NLGN1: variants seen among roughly 807,000 people sequenced by gnomAD.
NLGN1 encodes neuroligin-1.
Under a neutral mutation model 65.5 loss-of-function variants are expected in NLGN1, and 12 were observed. That is an observed-to-expected ratio of 0.18 (90% CI 0.12 to 0.30). The LOEUF is 0.30. Ranked by LOEUF, NLGN1 falls within the 10% of genes least tolerant of loss-of-function variation. The pLI is 1.00. For missense variants in NLGN1, 750 were observed against 1,007.1 expected (o/e 0.74, Z 3.46); for synonymous variants, 350 against 359.5 (o/e 0.97, Z 0.30).
chr3:173,764,627 T>C (rs970812957), intron 3 of NLGN1, among the ~76,000 whole-genome samples: 2 of 152,108 alleles, frequency 1.3e-5, no homozygotes, highest in African/African-American at 4.8e-5. Context: ...AATGCCAAAT[T>C]TCCATTAGTC....
intron 4 of NLGN1, among the ~76,000 whole-genome samples, chr3:173,957,066 A>G (rs1323501523): frequency 6.6e-6 from 1 of 152,142 alleles, no homozygotes; most frequent in Non-Finnish European, 1.5e-5. Flanking sequence ...CTACAGAATT[A>G]TGATGCATAT....
intron 1 of NLGN1, among the ~76,000 whole-genome samples, chr3:173,431,608 G>C (rs187473202): frequency 6.6e-6 from 1 of 152,090 alleles, no homozygotes; most frequent in South Asian, 2.1e-4. Flanking sequence ...TTGATTGGAA[G>C]ATGCAGAGAT....
chr3:173,622,765 G>A (rs1754209491), intron 3 of NLGN1, among the ~76,000 whole-genome samples: 2 of 151,952 alleles, frequency 1.3e-5, no homozygotes, highest in Admixed American at 1.3e-4. Flanking sequence ...ACTATTTTTT[G>A]TTGCAAAAAT....
chr3:173,411,593 G>A (rs1470020450), intron 1 of NLGN1, among the ~76,000 whole-genome samples: 4 of 152,090 alleles, frequency 2.6e-5, no homozygotes, highest in Middle Eastern at 3.2e-3. Flanking sequence ...TTTGGCTGGG[G>A]TTTAGTAAAC....
chr3:173,791,178 A>T (rs1309596346), intron 3 of NLGN1, among the ~76,000 whole-genome samples: 1 of 152,186 alleles, frequency 6.6e-6, no homozygotes, highest in African/African-American at 2.4e-5. Context: ...ATCATGCTAC[A>T]GTAAGGGTAT....
intron 1 of NLGN1, among the ~76,000 whole-genome samples, chr3:173,398,840 A>T (rs768672349): frequency 6.6e-6 from 1 of 152,144 alleles, no homozygotes; most frequent in Non-Finnish European, 1.5e-5. Context: ...AAGTCAATTG[A>T]GTTGTCATGC....
chr3:173,709,168 G>T (rs553984995), intron 3 of NLGN1, among the ~76,000 whole-genome samples: 48 of 152,188 alleles, frequency 3.2e-4, no homozygotes, highest in Non-Finnish European at 4.9e-4. Flanking sequence ...AAATACCGAG[G>T]TTTATTTCTC....
chr3:173,598,602 G>A (rs1159864873), intron 2 of NLGN1, among the ~76,000 whole-genome samples: 3 of 152,106 alleles, frequency 2.0e-5, no homozygotes, highest in Non-Finnish European at 2.9e-5. Flanking sequence ...TCTTAATGAA[G>A]GGCTTGCTTG....
chr3:174,030,585 C>T (rs1208040505), intron 4 of NLGN1, among the ~76,000 whole-genome samples: 1 of 152,164 alleles, frequency 6.6e-6, no homozygotes, highest in Non-Finnish European at 1.5e-5. Context: ...GAGAGTTAGC[C>T]TCTGGTTAAA....
rs1764626582 is a variant in NLGN1 at position 173,685,960 on chromosome 3, G to A, written c.493+80869G>A. ...GTACGTGGACTATATCAAGCTACAAGAAGGGTAAAGGGAAGAGGGAGAAGA... is the reference window on the plus strand; with the variant it reads ...GTACGTGGACTATATCAAGCTACAAAAAGGGTAAAGGGAAGAGGGAGAAGA... On this transcript the variant is annotated intron_variant, in intron 3 of 6. Transcript: ENST00000457714. Among the ~76,000 whole-genome samples the A allele has an allele frequency of 2.6e-5, 4 of 152,268 alleles. No homozygotes were observed. In the South Asian group the frequency reaches 8.3e-4, roughly 32 times the overall value.
chr3:173,613,098 G>A (rs904056754), intron 3 of NLGN1, among the ~76,000 whole-genome samples: 3 of 151,992 alleles, frequency 2.0e-5, no homozygotes, highest in African/African-American at 4.8e-5. Context: ...ATAGAATTTT[G>A]GGGAGACACA....
At position 173,791,183 on chromosome 3, in the gene NLGN1, G is replaced by A. The variant is rs535761159; in HGVS notation, c.494-16497G>A. ...TAGTTTCTTAATCATGCTACAGTAA[G>A]GGTATCCTGGGAAATTGGCCCAGCC... On this transcript the variant is annotated intron_variant, in intron 3 of 6. Transcript: ENST00000457714. 2.4e-3 allele frequency among the ~76,000 whole-genome samples: 373 copies of A among 152,276 alleles called. 2 individuals are homozygous for A. Among genetic ancestry groups the A allele is most frequent in the African/African-American group, 8.6e-3 (358 of 41,548 alleles).
At chr3:173,686,256 G>A (rs1382869206) in intron 3 of NLGN1, among the ~76,000 whole-genome samples, 1 of 149,128 alleles carries the variant, frequency 6.7e-6, no homozygotes, top group Admixed American at 6.7e-5. Context: ...GAAAGCAAAC[G>A]CAAAGCGCTT....
intron 4 of NLGN1, among the ~76,000 whole-genome samples, chr3:173,961,731 G>A (rs1180570202): frequency 6.6e-6 from 1 of 152,018 alleles, no homozygotes; most frequent in East Asian, 1.9e-4. Flanking sequence ...TTGAATGTCA[G>A]ATATGAGGAT....
intron 4 of NLGN1, among the ~76,000 whole-genome samples, chr3:173,880,480 T>G (rs765279913): frequency 1.3e-5 from 2 of 151,626 alleles, no homozygotes; most frequent in Admixed American, 1.3e-4. Context: ...AATCAAGTGA[T>G]TCACACAAAT....
At chr3:174,251,090 A>G in intron 4 of NLGN1, among the ~76,000 whole-genome samples, 1 of 147,858 alleles carries the variant, frequency 6.8e-6, no homozygotes, top group African/African-American at 2.6e-5. Context: ...ATCAACTCTA[A>G]TTTTAAAAAC....
intron 4 of NLGN1, among the ~76,000 whole-genome samples, chr3:174,265,437 G>A (rs977565090): frequency 4.6e-5 from 7 of 152,082 alleles, no homozygotes; most frequent in African/African-American, 9.7e-5. Flanking sequence ...GGAGTGACCC[G>A]ATTTTCCAGG....
At chr3:173,964,873 G>A (rs563178240) in intron 4 of NLGN1, among the ~76,000 whole-genome samples, 54 of 152,288 alleles carry the variant, frequency 3.5e-4, no homozygotes, top group Admixed American at 8.5e-4. Context: ...ATGAGGATGG[G>A]ATTGGAAATC....
At chr3:174,239,313 C>G (rs1742358373) in intron 4 of NLGN1, among the ~76,000 whole-genome samples, 1 of 152,124 alleles carries the variant, frequency 6.6e-6, no homozygotes, top group African/African-American at 2.4e-5. Context: ...AAATGATCCT[C>G]CCACGTCGGC....
Sources: allele counts gnomAD v4.1 joint callset (sites outside exome capture counted in the v4.1 genomes callset), GRCh38; gene constraint gnomAD v4.1.1; transcripts MANE v1.5; gene names NCBI Gene and HGNC (gene_info 2026-07-23, HGNC 2026-07-21).